PRELID2: variants seen among roughly 807,000 people sequenced by gnomAD.
The protein encoded by PRELID2 is PRELI domain containing 2.
PRELID2 carries 25 observed loss-of-function variants against 28.4 expected under a neutral mutation model. That is an observed-to-expected ratio of 0.88 (90% confidence interval 0.64 to 1.23). PRELID2 has a LOEUF of 1.23. Among genes scored for constraint, PRELID2 ranks in the 50% most tolerant of loss-of-function variants. PRELID2 has a pLI of 0.00. For synonymous variants in PRELID2, 76 were observed against 71.6 expected (o/e 1.06, Z -0.31); for missense variants, 201 against 214.4 (o/e 0.94, Z 0.39).
At chr5:145,248,534 C>T in the PRELID2 span, among the ~76,000 whole-genome samples, 1 of 152,208 alleles carries the variant, frequency 6.6e-6, no homozygotes, top group African/African-American at 2.4e-5. Context: ...GTGGCTCACA[C>T]CTATAATCCC....
rs146148591 is a variant in PRELID2, at chr5:145,817,527, C to T, written c.368+367G>A. 5.0e-3 allele frequency among the ~76,000 whole-genome samples: 729 copies of T among 145,818 alleles called. 29 individuals are homozygous for T. The highest frequency in any genetic ancestry group is 0.041 in the Admixed American group (595 of 14,410). ...AATTTACAAACTAATTTATAACTTA[C>T]AATACATGTTTTAAAATATATACAA... On this transcript the variant is annotated intron_variant, in intron 4 of 6. Transcript: ENST00000683046.
chr5:145,627,431 C>T (rs894235860), intron 1 of PRELID2, among the ~76,000 whole-genome samples: 3 of 152,094 alleles, frequency 2.0e-5, no homozygotes, highest in Admixed American at 6.6e-5. Context: ...AAAGTCCAGA[C>T]TTCACCACTA....
chr5:145,237,048 T>C, the PRELID2 span, among the ~76,000 whole-genome samples: 2 of 152,112 alleles, frequency 1.3e-5, no homozygotes, highest in Non-Finnish European at 2.9e-5. Flanking sequence ...AGAGCAAAAG[T>C]ATTAGGAGGC....
At chr5:145,544,124 C>T (rs1365637188) in intron 1 of PRELID2, among the ~76,000 whole-genome samples, 1 of 152,058 alleles carries the variant, frequency 6.6e-6, no homozygotes, top group Non-Finnish European at 1.5e-5. Context: ...CATCAAAAGT[C>T]ACACAGTTGT....
chr5:145,653,767 A>G (rs986825950), intron 1 of PRELID2, among the ~76,000 whole-genome samples: 1 of 152,256 alleles, frequency 6.6e-6, no homozygotes, highest in African/African-American at 2.4e-5. Flanking sequence ...AGGGAAATTT[A>G]TAGCATTAAA....
the PRELID2 span, among the ~76,000 whole-genome samples, chr5:145,349,212 G>T: frequency 6.6e-6 from 1 of 152,076 alleles, no homozygotes; most frequent in African/African-American, 2.4e-5. Flanking sequence ...GAAGCATTCA[G>T]TTCTGTTTTT....
At chr5:145,593,064 A>T (rs1753254098) in intron 1 of PRELID2, among the ~76,000 whole-genome samples, 1 of 152,190 alleles carries the variant, frequency 6.6e-6, no homozygotes, top group Admixed American at 6.5e-5. Context: ...TGAGGTATCC[A>T]GGATGGGAGA....
intron 1 of PRELID2, among the ~76,000 whole-genome samples, chr5:145,562,919 A>G (rs149858937): frequency 6.6e-6 from 1 of 152,364 alleles, no homozygotes; most frequent in East Asian, 1.9e-4. Context: ...AAGAGGTTTC[A>G]AAGAACTGAC....
At chr5:145,316,484 A>G in the PRELID2 span, among the ~76,000 whole-genome samples, 5 of 152,216 alleles carry the variant, frequency 3.3e-5, no homozygotes, top group Admixed American at 2.6e-4. Context: ...GTCATACACC[A>G]CGCAGCTAAA....
chr5:145,391,685 T>G, the PRELID2 span, among the ~76,000 whole-genome samples: 3 of 139,686 alleles, frequency 2.1e-5, no homozygotes, highest in Non-Finnish European at 3.1e-5. Flanking sequence ...AAATGTTTTG[T>G]TTTTTTTTTT....
At chr5:145,355,132 A>C in the PRELID2 span, among the ~76,000 whole-genome samples, 1 of 152,192 alleles carries the variant, frequency 6.6e-6, no homozygotes. Flanking sequence ...GTTGTAAATT[A>C]TGACAATAAA....
intron 4 of PRELID2, among the ~76,000 whole-genome samples, chr5:145,812,370 A>G (rs1481536881): frequency 1.3e-5 from 2 of 152,196 alleles, no homozygotes; most frequent in East Asian, 3.9e-4. Context: ...TAGTGAGAGG[A>G]AGGGCAGTGT....
the PRELID2 span, among the ~76,000 whole-genome samples, chr5:145,309,296 T>C: frequency 1.3e-5 from 2 of 152,134 alleles, no homozygotes; most frequent in East Asian, 3.9e-4. Flanking sequence ...AGGAGAATTG[T>C]TAAGACGAGA....
At chr5:145,659,416 TCAA>T (rs1164204828) in intron 1 of PRELID2, among the ~76,000 whole-genome samples, 5 of 152,224 alleles carry the variant, frequency 3.3e-5, no homozygotes, top group African/African-American at 9.6e-5. Flanking sequence ...TAAGGCAGAC[TCAA>T]CAAAAACTAT....
intron 1 of PRELID2, among the ~76,000 whole-genome samples, chr5:145,480,963 G>A (rs189935676): frequency 2.0e-5 from 3 of 152,280 alleles, no homozygotes; most frequent in East Asian, 3.9e-4. Context: ...GCCATTGTAT[G>A]CTAATTGTTC....
intron 1 of PRELID2, among the ~76,000 whole-genome samples, chr5:145,606,385 TATG>T (rs1289204716): frequency 7.2e-5 from 11 of 152,314 alleles, no homozygotes; most frequent in Admixed American, 4.6e-4. Context: ...ACCCATTCAG[TATG>T]ATATTGGCTG....
In PRELID2 at chr5:145,732,834, G is replaced by C. The variant is rs575716369; in HGVS notation, n.70+32097C>G. Among the ~76,000 whole-genome samples, 3 of 152,218 alleles carry C rather than the reference G, an allele frequency of 2.0e-5. No homozygotes were observed. The South Asian group carries it at 6.2e-4, about 32-fold the overall frequency. ...GGGAGGATAGCACAGGGGTAGGAGTGGAAATGGGGATGGGAAGTGAAGATT... is the reference window on the plus strand; with the variant it reads ...GGGAGGATAGCACAGGGGTAGGAGTCGAAATGGGGATGGGAAGTGAAGATT... On this transcript the variant is annotated intron_variant and non_coding_transcript_variant, in intron 1 of 2. Coordinates refer to the PRELID2 transcript ENST00000510259.
At chr5:145,641,031 G>T (rs904037073) in intron 1 of PRELID2, among the ~76,000 whole-genome samples, 1 of 151,908 alleles carries the variant, frequency 6.6e-6, no homozygotes, top group African/African-American at 2.4e-5. Context: ...CAAATTTAAA[G>T]AAAAAACAAA....
At chr5:145,819,779 T>C (rs766096384) in intron 3 of PRELID2, 166 bp downstream of exon 3, 3 of 624,598 alleles carry the variant, frequency 4.8e-6, no homozygotes, top group Non-Finnish European at 8.6e-6. Flanking sequence ...TGGCATCTGC[T>C]AAAAGTGAGG....
Sources: gnomAD v4.1 joint callset for allele counts (sites outside exome capture counted in the v4.1 genomes callset) on GRCh38, gnomAD v4.1.1 for gene constraint, MANE v1.5 for transcripts, NCBI Gene and HGNC (gene_info 2026-07-23, HGNC 2026-07-21) for gene names.